Variants in MTCL3 observed in about 807,000 individuals in gnomAD.
MTCL3 encodes the protein microtubule cross-linking factor 3.
chr6:127,495,716 G>T, the MTCL3 span, among the ~76,000 whole-genome samples: 1 of 152,092 alleles, frequency 6.6e-6, no homozygotes, highest in Non-Finnish European at 1.5e-5. Flanking sequence ...GCACTGAAAG[G>T]ATATAGAAGC....
the MTCL3 span, chr6:127,514,697 C>T: frequency 1.4e-6 from 1 of 723,562 alleles, no homozygotes; most frequent in East Asian, 2.7e-5. Flanking sequence ...GTGGTTAGCG[C>T]TACGAAACTG....
chr6:127,500,277 A>C, the MTCL3 span, among the ~76,000 whole-genome samples: 1 of 152,226 alleles, frequency 6.6e-6, no homozygotes, highest in Admixed American at 6.5e-5. Flanking sequence ...AATGAATGCC[A>C]GGGCTAATAT....
the MTCL3 span, among the ~76,000 whole-genome samples, chr6:127,510,171 T>C: frequency 2.0e-5 from 3 of 152,230 alleles, no homozygotes; most frequent in African/African-American, 7.2e-5. Flanking sequence ...TCTGCATATA[T>C]ACTCCTAAAT....
the MTCL3 span, among the ~76,000 whole-genome samples, chr6:127,507,266 G>A: frequency 2.0e-5 from 3 of 152,146 alleles, no homozygotes; most frequent in African/African-American, 7.2e-5. Context: ...GCACTTTATA[G>A]TTTCAATAAT....
the MTCL3 span, chr6:127,473,023 G>T: frequency 1.1e-6 from 1 of 908,448 alleles, no homozygotes; most frequent in Admixed American, 5.7e-5. Context: ...CAAACAGGAT[G>T]AAAAAAAGAA....
At chr6:127,514,880 G>A in the MTCL3 span, 1 of 1,614,092 alleles carries the variant, frequency 6.2e-7, no homozygotes, top group Non-Finnish European at 8.5e-7. Context: ...CGGTCTGGGC[G>A]TAGCGGAGCC....
the MTCL3 span, among the ~76,000 whole-genome samples, chr6:127,477,639 A>G: frequency 2.0e-5 from 3 of 152,322 alleles, no homozygotes; most frequent in South Asian, 6.2e-4. Flanking sequence ...TAAATACCAC[A>G]CAGAGCCTTT....
chr6:127,503,485 G>C, the MTCL3 span, among the ~76,000 whole-genome samples: 1 of 152,164 alleles, frequency 6.6e-6, no homozygotes. Context: ...CCAATGGATA[G>C]TCTTTGGGAG....
chr6:127,513,228 A>G, the MTCL3 span, among the ~76,000 whole-genome samples: 1 of 152,242 alleles, frequency 6.6e-6, no homozygotes, highest in Non-Finnish European at 1.5e-5. Context: ...TTAACCCTAC[A>G]AAAATCCCAT....
At chr6:127,499,964 A>G in the MTCL3 span, among the ~76,000 whole-genome samples, 1 of 151,958 alleles carries the variant, frequency 6.6e-6, no homozygotes, top group South Asian at 2.1e-4. Context: ...GTTAGTTTTC[A>G]CTGGCCTCTA....
At chr6:127,505,007 C>A in the MTCL3 span, among the ~76,000 whole-genome samples, 1 of 152,088 alleles carries the variant, frequency 6.6e-6, no homozygotes, top group Non-Finnish European at 1.5e-5. Flanking sequence ...TAGGGGCCAT[C>A]ATTCAACACC....
chr6:127,479,056 G>T, the MTCL3 span, among the ~76,000 whole-genome samples: 1 of 150,852 alleles, frequency 6.6e-6, no homozygotes, highest in African/African-American at 2.4e-5. Context: ...GGGGGAGACA[G>T]GTAAGAAATA....
chr6:127,516,733 C>T, the MTCL3 span: 1 of 1,462,014 alleles, frequency 6.8e-7, no homozygotes, highest in Non-Finnish European at 9.0e-7. Flanking sequence ...GAGAAGAAGA[C>T]AACATGTCTG....
chr6:127,482,971 C>G, the MTCL3 span: 1 of 1,606,632 alleles, frequency 6.2e-7, no homozygotes, highest in Admixed American at 1.7e-5. The surrounding 1 kb of genome is among the most constrained non-coding windows in gnomAD (Gnocchi z 4.1). Flanking sequence ...GCTTCCTCTT[C>G]TTTTTAAGGA....
chr6:127,516,084 G>C, the MTCL3 span: 3 of 1,494,744 alleles, frequency 2.0e-6, no homozygotes, highest in Admixed American at 2.4e-5. Flanking sequence ...CGGAGCCGCC[G>C]CCGGCTCCTC....
At chr6:127,476,805 A>G in the MTCL3 span, among the ~76,000 whole-genome samples, 2 of 152,250 alleles carry the variant, frequency 1.3e-5, no homozygotes, top group Non-Finnish European at 2.9e-5. This position sits in a 1 kb window ranked among gnomAD's most constrained non-coding sequence, Gnocchi z 4.4. Context: ...TTATTGCAGT[A>G]ATAAATATAA....
At chr6:127,505,114 G>A in the MTCL3 span, among the ~76,000 whole-genome samples, 3 of 151,864 alleles carry the variant, frequency 2.0e-5, no homozygotes, top group Admixed American at 6.6e-5. Flanking sequence ...CAAAAGGCAT[G>A]CCTGGATTAT....
chr6:127,473,500 C>G, the MTCL3 span: 1 of 759,674 alleles, frequency 1.3e-6, no homozygotes, highest in Non-Finnish European at 2.0e-6. Flanking sequence ...AAAAGAACCT[C>G]CACCCTCCCT....
chr6:127,511,086 T>C, the MTCL3 span, among the ~76,000 whole-genome samples: 1,445 of 152,220 alleles, frequency 9.5e-3, 4 homozygotes, highest in Non-Finnish European at 0.016. Flanking sequence ...AGGGGAAGTC[T>C]GGAAACAGAG....
Sources: gnomAD v4.1 joint callset for allele counts (sites outside exome capture counted in the v4.1 genomes callset) on GRCh38, gnomAD v4.1.1 for gene constraint, Gnocchi (gnomAD v3.1) non-coding constraint, MANE v1.5 for transcripts, NCBI Gene and HGNC (gene_info 2026-07-23, HGNC 2026-07-21) for gene names.